The following SPAG16 variants were observed in gnomAD, a reference collection of about 807,000 sequenced individuals.
SPAG16 encodes sperm-associated antigen 16 protein.
Under a neutral mutation model 80.4 loss-of-function variants are expected in SPAG16, and 86 were observed. The observed-to-expected ratio is 1.07, with a 90% CI of 0.90 to 1.28. The LOEUF (loss-of-function observed/expected upper bound fraction) is 1.28. Ranked by LOEUF, SPAG16 falls within the 50% of genes most tolerant of loss-of-function variation. SPAG16 has a pLI of 0.00. For missense variants in SPAG16, 870 were observed against 765.3 expected (o/e 1.14, Z -1.61); for synonymous variants, 294 against 265.9 (o/e 1.11, Z -1.03).
Position 213,284,505 on chromosome 2 carries a change from C to G in SPAG16, c.22C>G (p.Pro8Ala). The stretch of plus-strand genomic sequence containing the variant: ...AGAGATGGCTGCTCAGCGAGGGATG[C>G]CCAGCTCCGCCGTGAGGGTCCTGGA... MAAQRGM[P>A]SSAVRVLEEA... The change falls in exon 1 of 16, where the codon CCC becomes GCC. Residue 8 changes from proline to alanine, a missense_variant. By Grantham distance (27) the Pro-to-Ala change is conservative. Coordinates refer to ENST00000331683, the MANE Select transcript of SPAG16 (RefSeq NM_024532.5). 6.3e-7 allele frequency: 1 copy of G among 1,575,694 alleles called. No homozygotes were observed. Among genetic ancestry groups the G allele is most frequent in the East Asian group, 2.3e-5 (1 of 42,918 alleles).
intron 10 of SPAG16, among the ~76,000 whole-genome samples, chr2:213,828,214 T>G (rs1019712691): frequency 6.6e-6 from 1 of 152,108 alleles, no homozygotes; most frequent in Non-Finnish European, 1.5e-5. Flanking sequence ...TTTTTATTCT[T>G]TCTTCTTTTG....
At chr2:214,121,752 T>C (rs2054231144) in intron 14 of SPAG16, among the ~76,000 whole-genome samples, 1 of 151,904 alleles carries the variant, frequency 6.6e-6, no homozygotes, top group African/African-American at 2.4e-5. Flanking sequence ...CTTTGCTTTT[T>C]GCTAATTTAG....
At chr2:213,758,006 A>G (rs2068437377) in intron 10 of SPAG16, 1 of 152,136 alleles carries the variant, frequency 6.6e-6, no homozygotes, top group Non-Finnish European at 1.5e-5. Context: ...GCTAGACATT[A>G]AAAAGTAGGG....
At chr2:213,614,054 TG>T (rs1375175509) in intron 10 of SPAG16, among the ~76,000 whole-genome samples, 2 of 152,214 alleles carry the variant, frequency 1.3e-5, no homozygotes, top group Admixed American at 6.5e-5. Context: ...CCTGTTGTGT[TG>T]GGAGAACATT....
At chr2:214,183,580 A>G (rs1483998568) in intron 15 of SPAG16, among the ~76,000 whole-genome samples, 1 of 151,948 alleles carries the variant, frequency 6.6e-6, no homozygotes, top group African/African-American at 2.4e-5. Flanking sequence ...AAACCATAAC[A>G]CACTTTTGTT....
chr2:213,543,802 C>A (rs1217536333), intron 10 of SPAG16, among the ~76,000 whole-genome samples: 1 of 151,978 alleles, frequency 6.6e-6, no homozygotes, highest in Non-Finnish European at 1.5e-5. Flanking sequence ...ACCAGATACA[C>A]CTTGATTAAT....
intron 9 of SPAG16, among the ~76,000 whole-genome samples, chr2:213,460,699 CTT>C (rs775400054): frequency 2.4e-4 from 37 of 152,198 alleles, no homozygotes; most frequent in Admixed American, 7.8e-4. Context: ...AAATCAGACT[CTT>C]TGAAAGGTAT....
At chr2:214,012,299 T>A (rs2047349635) in intron 12 of SPAG16, among the ~76,000 whole-genome samples, 1 of 113,572 alleles carries the variant, frequency 8.8e-6, no homozygotes, top group African/African-American at 3.5e-5. Flanking sequence ...TTTTTTTTTT[T>A]TTTTTTTTTT....
intron 15 of SPAG16, among the ~76,000 whole-genome samples, chr2:214,207,197 G>T (rs181517287): frequency 8.3e-4 from 127 of 152,188 alleles, no homozygotes; most frequent in Non-Finnish European, 1.3e-3. Flanking sequence ...ATTCCTGCTT[G>T]CCCTGGGTGC....
At chr2:214,221,816 C>T (rs561563284) in intron 15 of SPAG16, among the ~76,000 whole-genome samples, 2 of 151,926 alleles carry the variant, frequency 1.3e-5, no homozygotes, top group Non-Finnish European at 2.9e-5. Flanking sequence ...TGTTAGTGTA[C>T]ATTCTTCTTA....
At chr2:214,009,773 A>G (rs944101355) in intron 12 of SPAG16, among the ~76,000 whole-genome samples, 1 of 152,200 alleles carries the variant, frequency 6.6e-6, no homozygotes, top group Admixed American at 6.5e-5. Context: ...TTTGTAGGAG[A>G]CAACAAATCT....
intron 10 of SPAG16, among the ~76,000 whole-genome samples, chr2:213,624,844 G>C (rs1260178781): frequency 6.6e-6 from 1 of 152,142 alleles, no homozygotes; most frequent in African/African-American, 2.4e-5. Context: ...AGGCTGGAGT[G>C]CAATGGCGTG....
chr2:214,171,713 G>A (rs1463509925), intron 15 of SPAG16, among the ~76,000 whole-genome samples: 1 of 151,876 alleles, frequency 6.6e-6, no homozygotes, highest in Non-Finnish European at 1.5e-5. Flanking sequence ...CCATAGAATT[G>A]AATAATTTCA....
chr2:214,351,891 C>T (rs116180105), intron 15 of SPAG16, among the ~76,000 whole-genome samples: 1 of 151,992 alleles, frequency 6.6e-6, no homozygotes, highest in East Asian at 1.9e-4. Flanking sequence ...TCTGTTTGGT[C>T]TGCTATAACA....
chr2:214,045,966 G>A (rs955087533), intron 13 of SPAG16, among the ~76,000 whole-genome samples: 1 of 151,860 alleles, frequency 6.6e-6, no homozygotes, highest in East Asian at 1.9e-4. Context: ...GCCAGACTAA[G>A]TAAAAAAGAG....
At chr2:213,692,178 A>G (rs763430415) in intron 10 of SPAG16, among the ~76,000 whole-genome samples, 9 of 152,324 alleles carry the variant, frequency 5.9e-5, no homozygotes, top group Middle Eastern at 3.4e-3. Flanking sequence ...ATTTGATGAA[A>G]CCAATCATAA....
intron 15 of SPAG16, among the ~76,000 whole-genome samples, chr2:214,371,904 C>T (rs1368186343): frequency 1.3e-5 from 2 of 152,000 alleles, no homozygotes; most frequent in Non-Finnish European, 2.9e-5. Flanking sequence ...TGGTCTCCAA[C>T]TCCTGGCCTC....
intron 10 of SPAG16, among the ~76,000 whole-genome samples, chr2:213,850,429 G>A (rs1414734736): frequency 1.3e-5 from 2 of 152,218 alleles, no homozygotes; most frequent in African/African-American, 2.4e-5. Context: ...GTTTAGATTT[G>A]ATGAAGAATG....
intron 13 of SPAG16, among the ~76,000 whole-genome samples, chr2:214,062,435 A>G (rs1273520422): frequency 8.6e-5 from 13 of 150,650 alleles, no homozygotes; most frequent in Admixed American, 7.9e-4. Flanking sequence ...AAAAAAAAAA[A>G]AAAAAAAAAG....
Sources: gnomAD v4.1 joint callset for allele counts (sites outside exome capture counted in the v4.1 genomes callset) on GRCh38, gnomAD v4.1.1 for gene constraint, MANE v1.5 for transcripts, NCBI Gene and HGNC (gene_info 2026-07-23, HGNC 2026-07-21) for gene names.